Variants in NRTN observed in about 807,000 individuals in gnomAD.
The protein encoded by NRTN is prepro-neurturin.
Under a neutral mutation model 7.5 loss-of-function variants are expected in NRTN, and 3 were observed. That is an observed-to-expected ratio of 0.40 (90% CI 0.18 to 1.03). The LOEUF (loss-of-function observed/expected upper bound fraction) is 1.03, where lower values mean the gene tolerates loss of function less well. Ranked by LOEUF, NRTN falls within the 50% of genes least tolerant of loss-of-function variation. The probability of loss-of-function intolerance (pLI) is 0.34; values close to 1 mark genes in which losing one functional copy is unlikely to be tolerated. For synonymous variants in NRTN, 157 were observed against 146.6 expected, an observed-to-expected ratio of 1.07 and a Z score of -0.51; for missense variants, 310 against 307.0, an observed-to-expected ratio of 1.01 and a Z score of -0.07.
At chr19:5,820,392 C>A (rs1005077133) in intron 1 of NRTN, among the ~76,000 whole-genome samples, 8 of 150,736 alleles carry the variant, frequency 5.3e-5, no homozygotes, top group African/African-American at 1.7e-4. Context: ...CGGTGAAACC[C>A]TGTCTCTACT....
chr19:5,816,930 G>A (rs887558562), intron 1 of NRTN, among the ~76,000 whole-genome samples: 1 of 152,222 alleles, frequency 6.6e-6, no homozygotes, highest in Non-Finnish European at 1.5e-5. Flanking sequence ...ATGTGAGTGT[G>A]AGAACACACT....
intron 2 of NRTN, among the ~76,000 whole-genome samples, chr19:5,825,637 A>G (rs1338906999): frequency 1.3e-5 from 2 of 152,192 alleles, no homozygotes; most frequent in African/African-American, 4.8e-5. Flanking sequence ...CAAAGCACGA[A>G]TGGAGGAATT....
chr19:5,826,199 T>TATC (rs2057045757), intron 2 of NRTN, among the ~76,000 whole-genome samples: 1 of 152,114 alleles, frequency 6.6e-6, no homozygotes, highest in Admixed American at 6.5e-5. Context: ...ACCTGTATTG[T>TATC]ATCGGGCAAG....
rs1238701873 is a variant in NRTN, at chr19:5,822,506, G to C, written c.-398-1262G>C. 2.0e-5 allele frequency among the ~76,000 whole-genome samples: 3 copies of C among 152,232 alleles called. No individual in the cohort carries two copies. In the South Asian group the frequency reaches 6.2e-4, roughly 31 times the overall value. The stretch of plus-strand genomic sequence containing the variant: ...TCGAGTGTGGTGGGCGTGTACACGT[G>C]AGTTATTAAACACCGACTGTATGCA... On this transcript the variant is annotated intron_variant, in intron 1 of 2. Transcript: ENST00000303212.
chr19:5,820,075 G>A (rs1409510691), intron 1 of NRTN, among the ~76,000 whole-genome samples: 1 of 150,740 alleles, frequency 6.6e-6, no homozygotes, highest in East Asian at 1.9e-4. Context: ...GACCATCCTG[G>A]CTAACATGGT....
chr19:5,814,949 C>T lies in NRTN; in HGVS notation c.-398-8819C>T, dbSNP rs73920064. Among the ~76,000 whole-genome samples, 1,317 of 152,356 alleles carry T rather than the reference C, an allele frequency of 8.6e-3. 20 individuals are homozygous for T. The highest frequency in any genetic ancestry group is 0.029 in the African/African-American group (1,221 of 41,588). ...TTTCTCCAGGACTGGGAAGGGATCT[C>T]TAGCCAGGCCCTGCACAGGCAATGT... On this transcript the variant is annotated intron_variant, in intron 1 of 2. Coordinates refer to ENST00000303212, the MANE Select transcript of NRTN (RefSeq NM_004558.5).
chr19:5,824,301 AC>A lies in NRTN; in HGVS notation c.139del (p.Leu47TrpfsTer27), dbSNP rs2057037410. On this transcript the variant is annotated frameshift_variant, in exon 2 of 3. Transcript: ENST00000303212. LOFTEE classifies it low-confidence loss of function (END_TRUNC). Reference protein sequence around the residue: ...ALVPLHRLPRTLDARIARLAQ... With the variant: ...ALVPLHRLPRXLDARIARLAQ... The stretch of plus-strand genomic sequence containing the variant: ...GGTCCCCCTGCACCGCCTGCCTCGA[AC>A]CCTGGACGCCCGGATTGCCCGCCTG... 6.2e-7 allele frequency: 1 copy of A among 1,608,166 alleles called. No individual in the cohort carries two copies.
At chr19:5,820,738 G>GAAAA (rs869276836) in intron 1 of NRTN, among the ~76,000 whole-genome samples, 2 of 39,064 alleles carry the variant, frequency 5.1e-5, no homozygotes, top group Admixed American at 2.6e-4. Context: ...TCTGTCTCAA[G>GAAAA]AAAAAAAAAA....
At chr19:5,826,030 G>C (rs1434536391) in intron 2 of NRTN, among the ~76,000 whole-genome samples, 1 of 152,132 alleles carries the variant, frequency 6.6e-6, no homozygotes, top group Non-Finnish European at 1.5e-5. Flanking sequence ...AGCTACTCGG[G>C]AGGCTGAGGC....
chr19:5,821,906 G>A (rs925481919), intron 1 of NRTN, among the ~76,000 whole-genome samples: 1 of 152,160 alleles, frequency 6.6e-6, no homozygotes, highest in African/African-American at 2.4e-5. Flanking sequence ...CAGCCCATAT[G>A]GTGTGTGCTG....
intron 2 of NRTN, among the ~76,000 whole-genome samples, chr19:5,827,529 G>A (rs989217138): frequency 1.3e-5 from 2 of 150,800 alleles, no homozygotes; most frequent in Non-Finnish European, 3.0e-5. Flanking sequence ...CAGCGTAGGG[G>A]TGTGAGTGTG....
rs964671296 is a variant in NRTN at position 5,828,271 on chromosome 19, C to T, written c.*98C>T. On this transcript the variant is annotated 3_prime_UTR_variant, in exon 3 of 3. Coordinates refer to ENST00000303212, the MANE Select transcript of NRTN (RefSeq NM_004558.5). ...ACTGCGCGTGCGTAGAGCACGCCGG[C>T]GCGGCCCCGGGACTCTCGCGATAAC... The T allele has an allele frequency of 2.7e-5, 37 of 1,350,240 alleles. No individual in the cohort carries two copies. The highest frequency in any genetic ancestry group is 3.6e-5 in the Non-Finnish European group (36 of 1,007,168). The allele number at this position is 1,350,240 out of a possible 1,614,324, so 83.6% of individuals were successfully genotyped here. A position where few individuals can be genotyped will look rare whatever the true frequency, so the allele number is the denominator to read the frequency against.
At chr19:5,814,034 C>T (rs1299065226) in intron 1 of NRTN, among the ~76,000 whole-genome samples, 2 of 152,006 alleles carry the variant, frequency 1.3e-5, no homozygotes, top group African/African-American at 2.4e-5. Flanking sequence ...TATGGGGAAA[C>T]TGAGTCACAG....
At position 5,806,674 on chromosome 19, in the gene NRTN, C is replaced by T. The variant is rs565548027; in HGVS notation, c.-399+1223C>T. Among the ~76,000 whole-genome samples the T allele has an allele frequency of 3.9e-5, 6 of 152,064 alleles. No individual in the cohort carries two copies. Among genetic ancestry groups the T allele is most frequent in the African/African-American group, 1.4e-4 (6 of 41,408 alleles). ...CTCCCGAGGTTCATAGCTCCGGCAC[C>T]GACTCCACCCCCAGGGAGCTACAGA... On this transcript the variant is annotated intron_variant, in intron 1 of 2. Coordinates refer to ENST00000303212, the MANE Select transcript of NRTN (RefSeq NM_004558.5). The surrounding 1 kb of genome is among the most constrained non-coding windows in gnomAD (Gnocchi z 5.4).
At position 5,824,104 on chromosome 19, in the gene NRTN, C is replaced by T. The variant is rs974500333; in HGVS notation, c.-62C>T. ...GAGTCCTGGCCCAGCGCCCTGTGCCCGTTGGCTGCTGGAGGGACAGACGGG... is the reference window on the plus strand; with the variant it reads ...GAGTCCTGGCCCAGCGCCCTGTGCCTGTTGGCTGCTGGAGGGACAGACGGG... On this transcript the variant is annotated 5_prime_UTR_variant, in exon 2 of 3. Transcript: ENST00000303212. The T allele has an allele frequency of 2.9e-5, 47 of 1,594,898 alleles. No individual in the cohort carries two copies. In the East Asian group the frequency reaches 3.3e-4, roughly 11 times the overall value.
At chr19:5,824,669 C>G (rs1485163585) in intron 2 of NRTN, among the ~76,000 whole-genome samples, 1 of 152,202 alleles carries the variant, frequency 6.6e-6, no homozygotes, top group Non-Finnish European at 1.5e-5. Flanking sequence ...GTAGTTCCAG[C>G]TACTTGGGAG....
rs1469187528 is a variant in NRTN, at chr19:5,828,153, C to T, written c.574C>T (p.Arg192Cys). The change falls in exon 3 of 3, where the codon CGC (arginine) becomes TGC (cysteine). Residue 192 changes from arginine to cysteine, a missense_variant. Coordinates refer to ENST00000303212, the MANE Select transcript of NRTN (RefSeq NM_004558.5). ...CCACACGGTGCACGAGCTGTCGGCG[C>T]GCGAGTGCGCCTGCGTGTGACCCTA... ...RYHTVHELSA[R>C]ECACV is the part of the protein sequence containing the mutation. The T allele has an allele frequency of 6.5e-7, 1 of 1,530,028 alleles. No individual in the cohort carries two copies. The highest frequency in any genetic ancestry group is 1.2e-5 in the South Asian group (1 of 83,640). 94.8% of individuals were successfully genotyped at this position (1,530,028 alleles called of 1,614,324 possible).
chr19:5,818,115 C>A (rs747753492), intron 1 of NRTN, among the ~76,000 whole-genome samples: 1 of 152,016 alleles, frequency 6.6e-6, no homozygotes, highest in Admixed American at 6.6e-5. Flanking sequence ...AGGCGCCCAC[C>A]ACCACACCCG....
chr19:5,821,456 C>T (rs2057024431), intron 1 of NRTN, among the ~76,000 whole-genome samples: 1 of 151,872 alleles, frequency 6.6e-6, no homozygotes, highest in African/African-American at 2.4e-5. Context: ...AGGTGTGCCA[C>T]CACGCCCGGC....
Sources: allele counts gnomAD v4.1 joint callset (sites outside exome capture counted in the v4.1 genomes callset), GRCh38; gene constraint gnomAD v4.1.1; non-coding constraint Gnocchi (gnomAD v3.1); transcripts MANE v1.5; gene names NCBI Gene and HGNC (gene_info 2026-07-23, HGNC 2026-07-21).